The following RUFY2 variants were observed in gnomAD, a reference collection of about 807,000 sequenced individuals.
RUFY2 encodes RUN and FYVE domain-containing protein 2.
Under a neutral mutation model 94.4 loss-of-function variants are expected in RUFY2, and 49 were observed. That is an observed-to-expected ratio of 0.52 (90% CI 0.41 to 0.66). RUFY2 has a LOEUF of 0.66. Among genes scored for constraint, RUFY2 ranks in the 30% least tolerant of loss-of-function variants. The pLI is 0.00. For missense variants in RUFY2, 541 were observed against 692.8 expected, an observed-to-expected ratio of 0.78 and a Z score of 2.46; for synonymous variants, 255 against 235.7, an observed-to-expected ratio of 1.08 and a Z score of -0.75.
chr10:68,380,905 C>T (rs1207402153), intron 11 of RUFY2, among the ~76,000 whole-genome samples: 1 of 152,038 alleles, frequency 6.6e-6, no homozygotes, highest in African/African-American at 2.4e-5. Context: ...GATAGTGTAG[C>T]ATTTCAATCA....
At chr10:68,366,764 T>TATATATATATA in intron 13 of RUFY2, among the ~76,000 whole-genome samples, 1 of 123,456 alleles carries the variant, frequency 8.1e-6, no homozygotes, top group East Asian at 2.4e-4. Flanking sequence ...ATATATAATA[T>TATATATATATA]TAAATATATT....
intron 7 of RUFY2, among the ~76,000 whole-genome samples, chr10:68,389,687 G>A (rs766033965): frequency 6.6e-6 from 1 of 152,050 alleles, no homozygotes; most frequent in Non-Finnish European, 1.5e-5. Flanking sequence ...CCAGAACTTT[G>A]GGAGGCCCAG....
rs1229392494 is a variant in RUFY2, at chr10:68,404,728, G to A, written c.121C>T (p.Pro41Ser). ...SFGRTLDSDYPPLQQFFVVME... is the reference protein window; with the variant it reads ...SFGRTLDSDYSPLQQFFVVME... ...ACAACAAAGAATTGCTGCAAGGGGG[G>A]ATAGTCAGAATCCAAAGTGCGGCCA... Residue 41 changes from proline (P) to serine (S), a missense_variant, in exon 2 of 18, where the codon CCC becomes TCC. By Grantham distance (74) the Pro-to-Ser change is moderately conservative. Coordinates refer to ENST00000602465, the MANE Select transcript of RUFY2 (RefSeq NM_001330103.2). 1 of 1,613,040 alleles carries A rather than the reference G, an allele frequency of 6.2e-7. No homozygotes were observed.
chr10:68,379,960 A>G (rs2048928344), intron 11 of RUFY2, among the ~76,000 whole-genome samples: 1 of 151,884 alleles, frequency 6.6e-6, no homozygotes, highest in Non-Finnish European at 1.5e-5. Flanking sequence ...GGTGCCCGCC[A>G]CTGCGCCCAG....
intron 8 of RUFY2, 115 bp downstream of exon 8, chr10:68,385,944 T>A (rs1358922451): frequency 1.8e-6 from 1 of 567,244 alleles, no homozygotes; most frequent in Non-Finnish European, 3.1e-6. Context: ...AAGTATTGCA[T>A]CACAATGATG....
At position 68,343,820 on chromosome 10, in the gene RUFY2, AAAAAAAAAAAAAAGC is replaced by A. The variant is rs1172483181; in HGVS notation, c.*1933_*1947del. On this transcript the variant is annotated 3_prime_UTR_variant, in exon 18 of 18. Transcript: ENST00000602465. ...CATAAAAGCTGCCTAAAAAAAAAAAAAAAAAAAAAAAAAGCAAGTCAGTCAGTGTTGATACATGAG... is the reference window on the plus strand; with the variant it reads ...CATAAAAGCTGCCTAAAAAAAAAAAAAAGTCAGTCAGTGTTGATACATGAG... The A allele has an allele frequency of 3.3e-5, 4 of 120,962 alleles. 1 individual carries two copies. Among genetic ancestry groups the A allele is most frequent in the Admixed American group, 9.5e-5 (1 of 10,576 alleles). 7.5% of individuals were successfully genotyped at this position (120,962 alleles called of 1,614,324 possible).
At chr10:68,405,827 A>T in intron 1 of RUFY2, 1 of 446,628 alleles carries the variant, frequency 2.2e-6, no homozygotes, top group Non-Finnish European at 3.0e-6. Flanking sequence ...TCACCCATCC[A>T]CACAGTTGAG....
intron 12 of RUFY2, chr10:68,378,761 A>G: frequency 2.3e-6 from 2 of 859,532 alleles, no homozygotes; most frequent in Non-Finnish European, 1.8e-6. Flanking sequence ...ACAAAAAAGA[A>G]AAAAGAAGAA....
Position 68,394,313 on chromosome 10 carries a change from G to C in RUFY2, c.522+15C>G. On this transcript the variant is annotated intron_variant, in intron 5 of 17. Coordinates refer to ENST00000602465, the MANE Select transcript of RUFY2 (RefSeq NM_001330103.2). ...TGAAAACACTCTGCATTTGGCACTA[G>C]TCACTTTCACTTACTTGTGAGTCTA... 6.2e-7 allele frequency: 1 copy of C among 1,613,758 alleles called. No individual in the cohort carries two copies. The highest frequency in any genetic ancestry group is 8.5e-7 in the Non-Finnish European group (1 of 1,179,802).
chr10:68,357,009 C>T (rs1207488960), intron 15 of RUFY2, among the ~76,000 whole-genome samples: 2 of 151,112 alleles, frequency 1.3e-5, no homozygotes, highest in Non-Finnish European at 1.5e-5. Flanking sequence ...ACTAAAAATA[C>T]CAAAAAAATT....
rs1181495771 is a variant in RUFY2 at position 68,376,477 on chromosome 10, TATATATATATA to T, written c.1325+365_1325+375del. Among the ~76,000 whole-genome samples, 379 of 64,196 alleles carry T rather than the reference TATATATATATA, an allele frequency of 5.9e-3. 46 individuals are homozygous for T. Among genetic ancestry groups the T allele is most frequent in the East Asian group, 0.043 (53 of 1,240 alleles). The allele number at this position is 64,196 out of a possible 152,430, so 42.1% of individuals were successfully genotyped here. The stretch of plus-strand genomic sequence containing the variant: ...ATATATATATATATATATATATATA[TATATATATATA>T]TATTCTCAGAAAACAGCATGTCCTT... On this transcript the variant is annotated intron_variant, in intron 13 of 17. Coordinates refer to ENST00000602465, the MANE Select transcript of RUFY2 (RefSeq NM_001330103.2).
In RUFY2 at chr10:68,372,093, CATA is replaced by C. The variant is rs539222568; in HGVS notation, c.1325+4757_1325+4759del. 1.8e-4 allele frequency among the ~76,000 whole-genome samples: 28 copies of C among 152,228 alleles called. No homozygotes were observed. In the South Asian group the frequency reaches 5.8e-3, roughly 32 times the overall value. On this transcript the variant is annotated intron_variant, in intron 13 of 17. Coordinates refer to ENST00000602465, the MANE Select transcript of RUFY2 (RefSeq NM_001330103.2). The stretch of plus-strand genomic sequence containing the variant: ...AGGCATTCAAGAGTAGCCTGAGCAA[CATA>C]ATAAGACCTCATTTCTAAAAAAAAA...
At chr10:68,351,509 G>C (rs1334742732) in intron 16 of RUFY2, among the ~76,000 whole-genome samples, 1 of 144,144 alleles carries the variant, frequency 6.9e-6, no homozygotes, top group Non-Finnish European at 1.5e-5. Context: ...GAGTGCAGTG[G>C]TGCAATCTCA....
intron 13 of RUFY2, among the ~76,000 whole-genome samples, chr10:68,365,829 G>C (rs1226454310): frequency 6.6e-6 from 1 of 152,114 alleles, no homozygotes; most frequent in South Asian, 2.1e-4. Flanking sequence ...AGGACTTACT[G>C]TGTATGTTAC....
downstream of RUFY2, chr10:68,341,565 T>C: frequency 6.6e-7 from 1 of 1,506,422 alleles, no homozygotes; most frequent in Non-Finnish European, 9.2e-7. Context: ...CCCCTGTTAC[T>C]CTTTCTTTTT....
At chr10:68,404,080 C>T (rs1215242623) in intron 2 of RUFY2, among the ~76,000 whole-genome samples, 2 of 152,122 alleles carry the variant, frequency 1.3e-5, no homozygotes, top group African/African-American at 4.8e-5. Flanking sequence ...AAACTGTGAA[C>T]AGTTATTATA....
rs201819624 is a variant in RUFY2 at position 68,355,370 on chromosome 10, C to T, written c.1582G>A (p.Ala528Thr). 18 of 1,611,554 alleles carry T rather than the reference C, an allele frequency of 1.1e-5. No homozygotes were observed. The highest frequency in any genetic ancestry group is 1.5e-5 in the Non-Finnish European group (18 of 1,178,158). The change falls in exon 16 of 18, where the codon GCC becomes ACC. Residue 528 changes from alanine to threonine, a missense_variant. Around this residue, in one of 3 missense-constraint regions of RUFY2, gnomAD observed 403 missense variants for 480.7 expected, o/e 0.84. Coordinates refer to ENST00000602465, the MANE Select transcript of RUFY2 (RefSeq NM_001330103.2). ...CTACTCACCTGCAATGCTTTGTTGG[C>T]TTCTTTTATGTCTTCAATTTTAAGT... The part of the protein sequence containing the change: ...SKLKIEDIKE[A>T]NKALQGLVWL...
At chr10:68,370,120 CA>C (rs1209900387) in intron 13 of RUFY2, among the ~76,000 whole-genome samples, 2 of 151,840 alleles carry the variant, frequency 1.3e-5, no homozygotes, top group Admixed American at 1.3e-4. Flanking sequence ...CTCATCTCTA[CA>C]AAAAATACAA....
At chr10:68,359,547 A>G (rs1011560989) in intron 15 of RUFY2, among the ~76,000 whole-genome samples, 1 of 144,478 alleles carries the variant, frequency 6.9e-6, no homozygotes, top group Non-Finnish European at 1.5e-5. Flanking sequence ...TAATGCTACT[A>G]TATATAAAAA....
Sources: allele counts gnomAD v4.1 joint callset (sites outside exome capture counted in the v4.1 genomes callset), GRCh38; gene constraint gnomAD v4.1.1; regional missense constraint gnomAD v4.1.1; transcripts MANE v1.5; gene names NCBI Gene and HGNC (gene_info 2026-07-23, HGNC 2026-07-21).